LAMA3: variants seen among roughly 807,000 people sequenced by gnomAD.
LAMA3 encodes laminin subunit alpha 3.
In LAMA3, 281 loss-of-function variants were observed where a neutral mutation model predicts 402.0. That is an observed-to-expected ratio of 0.70 (90% CI 0.63 to 0.77). The LOEUF is 0.77. Among genes scored for constraint, LAMA3 ranks in the 30% least tolerant of loss-of-function variants. LAMA3 has a pLI of 0.00. For synonymous variants in LAMA3, 1,431 were observed against 1,558.4 expected (o/e 0.92, Z 1.93); for missense variants, 3,840 against 4,215.5 (o/e 0.91, Z 2.47).
At chr18:23,854,272 C>G (rs2064013116) in intron 32 of LAMA3, among the ~76,000 whole-genome samples, 1 of 152,260 alleles carries the variant, frequency 6.6e-6, no homozygotes, top group African/African-American at 2.4e-5. Context: ...TTCCCTTCCT[C>G]CTTGTCTGGA....
chr18:23,746,392 G>T (rs2061651679), intron 2 of LAMA3, among the ~76,000 whole-genome samples: 1 of 152,134 alleles, frequency 6.6e-6, no homozygotes, highest in Non-Finnish European at 1.5e-5. Context: ...CTTTTGGGAG[G>T]TCTACAAGGC....
intron 9 of LAMA3, 112 bp downstream of exon 9, chr18:23,773,699 G>C: frequency 1.4e-6 from 1 of 735,580 alleles, no homozygotes; most frequent in South Asian, 1.5e-5. Flanking sequence ...TCTCTTCAGA[G>C]TATTAGTTGT....
At position 23,783,763 on chromosome 18, in the gene LAMA3, G is replaced by C. The variant is rs571186432; in HGVS notation, c.1469-260G>C. Among the ~76,000 whole-genome samples the C allele has an allele frequency of 7.2e-5, 11 of 151,964 alleles. No individual in the cohort carries two copies. The South Asian group carries it at 2.3e-3, about 32-fold the overall frequency. On this transcript the variant is annotated intron_variant, in intron 11 of 74. Transcript: ENST00000313654. ...CTCGGCTTTAGAGGGAAAATAAAAT[G>C]TTTCCACAGGAATAGATGTTAAAAG...
chr18:23,882,153 G>A (rs2064920568), intron 40 of LAMA3, 108 bp downstream of exon 40: 2 of 738,034 alleles, frequency 2.7e-6, no homozygotes, highest in Non-Finnish European at 4.9e-6. Flanking sequence ...ATTACCAAAG[G>A]GTCTGGGATT....
chr18:23,889,831 GT>G (rs1215858609), intron 41 of LAMA3, among the ~76,000 whole-genome samples, 179 bp from the exon 42 acceptor site: 1 of 152,142 alleles, frequency 6.6e-6, no homozygotes, highest in Non-Finnish European at 1.5e-5. Context: ...ATTTATTTCT[GT>G]GAGACAATTC....
chr18:23,901,276 G>A lies in LAMA3; in HGVS notation c.6154G>A (p.Ala2052Thr). 1 of 1,614,180 alleles carries A rather than the reference G, an allele frequency of 6.2e-7. No homozygotes were observed. The highest frequency in any genetic ancestry group is 1.7e-5 in the Admixed American group (1 of 60,032). The change falls in exon 48 of 75, where the codon GCA becomes ACA. Residue 2052 changes from alanine (A) to threonine (T), a missense_variant. Transcript: ENST00000313654. ...LQEAAAQAKQ[A>T]NGLNQENERA... ...GGAGGCAGCTGCCCAAGCCAAGCAG[G>A]CAAATGGCTTGAACCAAGAAAACGA... is the stretch of plus-strand genomic sequence containing the variant.
chr18:23,954,664 C>T lies in LAMA3; in HGVS notation c.*16C>T. On this transcript the variant is annotated 3_prime_UTR_variant, in exon 75 of 75. Transcript: ENST00000313654. ...TGACCAGTAACCCAAGCCTATTTCA[C>T]AGCAAGGAAATTCACCTTCAAAAGC... 1 of 1,613,886 alleles carries T rather than the reference C, an allele frequency of 6.2e-7. No homozygotes were observed. Among genetic ancestry groups the T allele is most frequent in the Non-Finnish European group, 8.5e-7 (1 of 1,179,804 alleles).
At position 23,899,061 on chromosome 18, in the gene LAMA3, G is replaced by C; in HGVS notation, c.5832G>C (p.Val1944=). ...AGATTAAAAATGTCATCCGGAATGT[G>C]CACAGTAAGAAGAGTTATTAAGCCC... ...DVKIKNVIRN[V]HILLKQISGT... is the part of the protein sequence containing the mutation. The change falls in exon 46 of 75, where the codon GTG becomes GTC. Residue 1944 remains valine, a synonymous_variant. Coordinates refer to ENST00000313654, the MANE Select transcript of LAMA3 (RefSeq NM_198129.4). 1 of 1,610,752 alleles carries C rather than the reference G, an allele frequency of 6.2e-7. No homozygotes were observed. The highest frequency in any genetic ancestry group is 8.5e-7 in the Non-Finnish European group (1 of 1,177,010).
chr18:23,734,687 C>T (rs2061445347), intron 2 of LAMA3, among the ~76,000 whole-genome samples: 1 of 152,202 alleles, frequency 6.6e-6, no homozygotes, highest in South Asian at 2.1e-4. Flanking sequence ...GACCGAACTA[C>T]AATAAAAAGA....
chr18:23,860,264 T>TTC (rs1555716105), intron 34 of LAMA3, among the ~76,000 whole-genome samples: 2 of 137,856 alleles, frequency 1.5e-5, no homozygotes, highest in Non-Finnish European at 3.0e-5. Context: ...TTCTTTTCTT[T>TTC]TTTTTTTTTT....
At position 23,952,910 on chromosome 18, in the gene LAMA3, G is replaced by A. The variant is rs189629652; in HGVS notation, c.9737-80G>A. ...GCACTCCCACAGGTCTAGTATGAAGGAGTTAAAACAAAGTCAATGGTGTAG... is the reference window on the plus strand; with the variant it reads ...GCACTCCCACAGGTCTAGTATGAAGAAGTTAAAACAAAGTCAATGGTGTAG... On this transcript the variant is annotated intron_variant, in intron 73 of 74. Coordinates refer to ENST00000313654, the MANE Select transcript of LAMA3 (RefSeq NM_198129.4). The A allele has an allele frequency of 1.1e-5, 18 of 1,589,488 alleles. No individual in the cohort carries two copies. The East Asian group carries it at 4.0e-4, about 36-fold the overall frequency.
intron 67 of LAMA3, among the ~76,000 whole-genome samples, chr18:23,935,299 G>A (rs1349145176): frequency 6.6e-6 from 1 of 152,248 alleles, no homozygotes; most frequent in African/African-American, 2.4e-5. Flanking sequence ...AGAGAATGGA[G>A]TTTGTGGTGT....
chr18:23,764,895 G>A (rs925617242), intron 8 of LAMA3, among the ~76,000 whole-genome samples: 1 of 152,118 alleles, frequency 6.6e-6, no homozygotes, highest in African/African-American at 2.4e-5. Flanking sequence ...CTCCCATGGA[G>A]GATTGGTCTC....
intron 40 of LAMA3, among the ~76,000 whole-genome samples, chr18:23,883,327 C>T (rs889439030): frequency 6.6e-6 from 1 of 152,184 alleles, no homozygotes; most frequent in Non-Finnish European, 1.5e-5. Context: ...TTCAAGGTAA[C>T]CCCCTCTCTC....
intron 39 of LAMA3, among the ~76,000 whole-genome samples, chr18:23,876,737 G>A (rs2064730862): frequency 6.6e-6 from 1 of 152,186 alleles, no homozygotes; most frequent in Non-Finnish European, 1.5e-5. Context: ...ACTACTTTGG[G>A]TCCCAATTTT....
chr18:23,840,061 G>A, intron 27 of LAMA3, 132 bp downstream of exon 27: 3 of 970,728 alleles, frequency 3.1e-6, no homozygotes, highest in Non-Finnish European at 4.8e-6. Context: ...GGAAGCTCTG[G>A]GGGTGGGCCC....
At chr18:23,857,716 G>A (rs1022595671) in intron 32 of LAMA3, 128 bp from the exon 33 acceptor site, 2 of 1,164,906 alleles carry the variant, frequency 1.7e-6, no homozygotes, top group African/African-American at 3.0e-5. Context: ...TTCTGCCTTG[G>A]ACTATAAGCA....
intron 55 of LAMA3, among the ~76,000 whole-genome samples, chr18:23,911,157 G>GTTCTGTC (rs139544814): frequency 1.5e-5 from 2 of 137,142 alleles, no homozygotes; most frequent in Admixed American, 7.6e-5. Context: ...GAGAATGCCA[G>GTTCTGTC]GCAGAGACTC....
chr18:23,871,776 A>T, intron 38 of LAMA3, 115 bp downstream of exon 38: 1 of 802,658 alleles, frequency 1.2e-6, no homozygotes, highest in Non-Finnish European at 2.1e-6. Flanking sequence ...TCTCTGTTCA[A>T]GTTTCTGCAG....
Sources: gnomAD v4.1 joint callset for allele counts (sites outside exome capture counted in the v4.1 genomes callset) on GRCh38, gnomAD v4.1.1 for gene constraint, MANE v1.5 for transcripts, NCBI Gene and HGNC (gene_info 2026-07-23, HGNC 2026-07-21) for gene names.